PTPRD: variants seen among roughly 807,000 people sequenced by gnomAD.
PTPRD encodes the protein receptor-type tyrosine-protein phosphatase delta.
A neutral mutation model predicts 214.5 loss-of-function variants in PTPRD; 34 were observed. The ratio of observed to expected loss-of-function variants is 0.16; its 90% confidence interval spans 0.12 to 0.21. The LOEUF (loss-of-function observed/expected upper bound fraction) is 0.21, where lower values mean the gene tolerates loss of function less well. Among genes scored for constraint, PTPRD ranks in the 10% least tolerant of loss-of-function variants. The pLI is 1.00. For synonymous variants in PTPRD, 1,128 were observed against 845.7 expected (o/e 1.33, Z -5.79); for missense variants, 2,545 against 2,398.7 (o/e 1.06, Z -1.27).
At chr9:9,970,296 A>G (rs865970303) in intron 4 of PTPRD, among the ~76,000 whole-genome samples, 35 of 151,874 alleles carry the variant, frequency 2.3e-4, no homozygotes, top group African/African-American at 8.5e-4. Flanking sequence ...TAAAAGTACA[A>G]AACATTAGCC....
chr9:8,871,833 A>C (rs1330514338), intron 11 of PTPRD, among the ~76,000 whole-genome samples: 1 of 152,198 alleles, frequency 6.6e-6, no homozygotes, highest in Non-Finnish European at 1.5e-5. Context: ...ACATTTCTCC[A>C]AAACAGAATA....
At chr9:8,427,109 G>C (rs1344796419) in intron 35 of PTPRD, among the ~76,000 whole-genome samples, 2 of 152,136 alleles carry the variant, frequency 1.3e-5, no homozygotes, top group Non-Finnish European at 1.5e-5. Flanking sequence ...AACAAAGACA[G>C]CATGTTCTCA....
intron 2 of PTPRD, among the ~76,000 whole-genome samples, chr9:10,343,360 C>T (rs2096982907): frequency 6.6e-6 from 1 of 152,154 alleles, no homozygotes; most frequent in Non-Finnish European, 1.5e-5. Context: ...GCCAAATTTT[C>T]TTAATCCAGT....
rs146956665 is a variant in PTPRD, at chr9:10,150,857, T to G, written c.-544-117067A>C. On this transcript the variant is annotated intron_variant, in intron 3 of 45. Coordinates refer to ENST00000381196, the MANE Select transcript of PTPRD (RefSeq NM_002839.4). ...TTAAAAGAACAGTCAGTCCACAAAT[T>G]TGGAGTTCAATAAAAATTTTATAGT... Among the ~76,000 whole-genome samples, 150 of 152,110 alleles carry G rather than the reference T, an allele frequency of 9.9e-4. 4 individuals are homozygous for G. The East Asian group carries it at 0.026, about 26-fold the overall frequency.
intron 3 of PTPRD, among the ~76,000 whole-genome samples, chr9:10,301,315 C>A (rs574176712): frequency 8.7e-4 from 132 of 152,262 alleles, no homozygotes; most frequent in African/African-American, 3.0e-3. Context: ...TGGGGAGAAA[C>A]CAGCACAAAA....
At chr9:8,379,985 G>T (rs2084475287) in intron 37 of PTPRD, among the ~76,000 whole-genome samples, 2 of 152,086 alleles carry the variant, frequency 1.3e-5, no homozygotes, top group Non-Finnish European at 2.9e-5. Flanking sequence ...GGATTGAAGT[G>T]ATGCCCCTAA....
At chr9:9,324,860 G>A (rs553677800) in intron 9 of PTPRD, among the ~76,000 whole-genome samples, 2,602 of 152,170 alleles carry the variant, frequency 0.017, 76 homozygotes, top group African/African-American at 0.06. Context: ...TGTTGAAATA[G>A]TTTTTGTATA....
At chr9:8,614,837 G>C (rs1158039862) in intron 14 of PTPRD, among the ~76,000 whole-genome samples, 1 of 152,082 alleles carries the variant, frequency 6.6e-6, no homozygotes, top group African/African-American at 2.4e-5. Context: ...GCCCTGACTA[G>C]TCCTCATATT....
At chr9:9,141,596 A>T (rs754080369) in intron 10 of PTPRD, among the ~76,000 whole-genome samples, 1 of 151,752 alleles carries the variant, frequency 6.6e-6, no homozygotes, top group South Asian at 2.1e-4. Context: ...TCTTTACATA[A>T]TTGAGACCAA....
intron 7 of PTPRD, among the ~76,000 whole-genome samples, chr9:9,616,480 A>C (rs1001553888): frequency 6.6e-6 from 1 of 152,184 alleles, no homozygotes; most frequent in Non-Finnish European, 1.5e-5. Flanking sequence ...TTCAAGTTCA[A>C]ATACATAAGG....
intron 39 of PTPRD, among the ~76,000 whole-genome samples, chr9:8,373,000 T>A (rs554786329): frequency 3.9e-5 from 6 of 151,958 alleles, no homozygotes; most frequent in Admixed American, 1.3e-4. Context: ...ATAAAAGAAA[T>A]CACAACACAA....
At chr9:10,050,826 G>C (rs2097523402) in intron 3 of PTPRD, among the ~76,000 whole-genome samples, 1 of 151,556 alleles carries the variant, frequency 6.6e-6, no homozygotes, top group Admixed American at 6.6e-5. Context: ...GTGAGTTGTG[G>C]GTCTCCATAC....
rs190911249 is a variant in PTPRD at position 9,618,021 on chromosome 9, C to A, written c.-286-43240G>T. Among the ~76,000 whole-genome samples, 120 of 134,882 alleles carry A rather than the reference C, an allele frequency of 8.9e-4. No homozygotes were observed. The East Asian group carries it at 0.015, about 17-fold the overall frequency. 88.5% of individuals were successfully genotyped at this position (134,882 alleles called of 152,430 possible). A position where few individuals can be genotyped will look rare whatever the true frequency, so the allele number is the denominator to read the frequency against. On this transcript the variant is annotated intron_variant, in intron 7 of 45. Transcript: ENST00000381196. ...CGGGAGGCGGAGCTTGCAGTGAGCC[C>A]AGATCGCGCCACTGCACTCCAGCCT...
chr9:10,445,783 T>C (rs952650258), intron 2 of PTPRD, among the ~76,000 whole-genome samples: 1 of 151,996 alleles, frequency 6.6e-6, no homozygotes, highest in African/African-American at 2.4e-5. Flanking sequence ...ACAGGCATAA[T>C]GAGGTCAAGA....
chr9:9,336,652 G>A (rs1333903407), intron 9 of PTPRD, among the ~76,000 whole-genome samples: 1 of 152,048 alleles, frequency 6.6e-6, no homozygotes, highest in Non-Finnish European at 1.5e-5. Flanking sequence ...ATTTGATCCA[G>A]GCAGAAATAT....
intron 3 of PTPRD, among the ~76,000 whole-genome samples, chr9:10,178,694 G>T (rs1274121967): frequency 2.0e-5 from 3 of 151,840 alleles, no homozygotes; most frequent in Non-Finnish European, 4.4e-5. Context: ...CTCAGAATTG[G>T]TACTATTGAT....
chr9:10,330,521 C>T (rs1017407274), intron 3 of PTPRD, among the ~76,000 whole-genome samples: 9 of 151,762 alleles, frequency 5.9e-5, no homozygotes, highest in African/African-American at 2.2e-4. Flanking sequence ...AGCTTATAAT[C>T]AAAGGGTATC....
chr9:10,065,187 G>GAAAGAAAGAA (rs1204307146), intron 3 of PTPRD, among the ~76,000 whole-genome samples: 2 of 151,658 alleles, frequency 1.3e-5, no homozygotes, highest in Non-Finnish European at 2.9e-5. Flanking sequence ...AAGAAAGAAA[G>GAAAGAAAGAA]AAAGAAAAGG....
At chr9:9,729,155 A>AC (rs1467338381) in intron 7 of PTPRD, among the ~76,000 whole-genome samples, 1 of 152,156 alleles carries the variant, frequency 6.6e-6, no homozygotes, top group African/African-American at 2.4e-5. Context: ...AACAAACAAA[A>AC]CAAAAATAAA....
Sources: gnomAD v4.1 joint callset for allele counts (sites outside exome capture counted in the v4.1 genomes callset) on GRCh38, gnomAD v4.1.1 for gene constraint, MANE v1.5 for transcripts, NCBI Gene and HGNC (gene_info 2026-07-23, HGNC 2026-07-21) for gene names.